ADGRB3: variants seen among roughly 807,000 people sequenced by gnomAD.
ADGRB3 encodes the protein adhesion G protein-coupled receptor B3, also known as brain-specific angiogenesis inhibitor 3.
A neutral mutation model predicts 193.4 loss-of-function variants in ADGRB3; 37 were observed. The ratio of observed to expected loss-of-function variants is 0.19; its 90% CI spans 0.15 to 0.25. ADGRB3 has a LOEUF of 0.25. Ranked by LOEUF, ADGRB3 falls within the 10% of genes least tolerant of loss-of-function variation. The probability of loss-of-function intolerance (pLI) is 1.00; values close to 1 mark genes in which losing one functional copy is unlikely to be tolerated. For synonymous variants in ADGRB3, 690 were observed against 644.2 expected, an observed-to-expected ratio of 1.07 and a Z score of -1.08; for missense variants, 1,637 against 1,852.9, an observed-to-expected ratio of 0.88 and a Z score of 2.14.
At chr6:68,735,890 G>A (rs1765861538) in intron 3 of ADGRB3, among the ~76,000 whole-genome samples, 1 of 152,106 alleles carries the variant, frequency 6.6e-6, no homozygotes, top group African/African-American at 2.4e-5. Context: ...TCTTTATAGA[G>A]CAGCAATCAC....
chr6:68,717,258 A>C (rs1765504096), intron 3 of ADGRB3, among the ~76,000 whole-genome samples: 1 of 151,714 alleles, frequency 6.6e-6, no homozygotes, highest in South Asian at 2.1e-4. Flanking sequence ...TCTTATAGCA[A>C]TATATCTATA....
At chr6:69,062,490 T>G (rs1771778800) in intron 15 of ADGRB3, among the ~76,000 whole-genome samples, 1 of 151,928 alleles carries the variant, frequency 6.6e-6, no homozygotes, top group Admixed American at 6.6e-5. Flanking sequence ...TTGCAATTAT[T>G]TATTGTAATG....
chr6:68,897,625 AG>A (rs1192003848), intron 3 of ADGRB3, among the ~76,000 whole-genome samples: 5 of 130,574 alleles, frequency 3.8e-5, no homozygotes, highest in Non-Finnish European at 8.2e-5. Flanking sequence ...GAAGGGAGGG[AG>A]GGAGGAAAGA....
Position 69,308,402 on chromosome 6 carries a change from G to A in ADGRB3, c.2815-16470G>A, listed in dbSNP as rs565776078. On this transcript the variant is annotated intron_variant, in intron 20 of 31. Coordinates refer to ENST00000370598, the MANE Select transcript of ADGRB3 (RefSeq NM_001704.3). ...AGGGAGATATGGAGGAATTGAGGAA[G>A]ATATGGTTCAGAGTTCATTAAATGA... 4.7e-5 allele frequency among the ~76,000 whole-genome samples: 7 copies of A among 149,722 alleles called. 1 individual carries two copies. The South Asian group carries it at 1.5e-3, about 31-fold the overall frequency.
intron 17 of ADGRB3, among the ~76,000 whole-genome samples, chr6:69,180,946 T>C (rs1775563742): frequency 6.6e-6 from 1 of 152,290 alleles, no homozygotes; most frequent in African/African-American, 2.4e-5. Flanking sequence ...TTTCCTGGTG[T>C]CTTTCCCTCA....
Position 68,941,674 on chromosome 6 carries a change from TAGG to T in ADGRB3, c.1031-2150_1031-2148del, listed in dbSNP as rs1479743931. On this transcript the variant is annotated intron_variant, in intron 5 of 31. Transcript: ENST00000370598. ...ATAGGAGGAGAAAAGGTTTTTAAAA[TAGG>T]AGGAGAAAAGGTTTTTAAAATTGGA... is the stretch of plus-strand genomic sequence containing the variant. Among the ~76,000 whole-genome samples, 19 of 151,972 alleles carry T rather than the reference TAGG, an allele frequency of 1.3e-4. 1 individual carries two copies. The South Asian group carries it at 3.3e-3, about 27-fold the overall frequency.
chr6:68,731,255 G>A (rs989922622), intron 3 of ADGRB3, among the ~76,000 whole-genome samples: 6 of 151,204 alleles, frequency 4.0e-5, no homozygotes, highest in African/African-American at 1.5e-4. Flanking sequence ...CTTAATCCTC[G>A]TGTTACGGAT....
Position 68,936,583 on chromosome 6 carries a change from G to A in ADGRB3, c.933G>A (p.Ser311=), listed in dbSNP as rs149792384. The A allele has an allele frequency of 8.1e-6, 13 of 1,614,004 alleles. No individual in the cohort carries two copies. In the African/African-American group the frequency reaches 1.3e-4, roughly 17 times the overall value. ...STCSVTCGQG[S]QVRTRTCVSP... ...GTTCGGTTACTTGTGGTCAAGGGTC[G>A]CAGGTGCGAACCAGAACTTGTGTAT... Residue 311 remains serine, a synonymous_variant, in exon 5 of 32, where the codon TCG becomes TCA. Transcript: ENST00000370598.
At chr6:69,069,984 A>G (rs1772030444) in intron 16 of ADGRB3, among the ~76,000 whole-genome samples, 1 of 152,148 alleles carries the variant, frequency 6.6e-6, no homozygotes, top group Admixed American at 6.6e-5. Context: ...GAGACAATAC[A>G]GTGTCAGTTG....
chr6:69,295,171 C>T (rs2181002), intron 20 of ADGRB3, among the ~76,000 whole-genome samples: 20,722 of 152,100 alleles, frequency 0.14, 1,682 homozygotes, highest in Admixed American at 0.2. Flanking sequence ...TCAGTAGATT[C>T]GGTGATCTTT....
intron 3 of ADGRB3, among the ~76,000 whole-genome samples, chr6:68,829,391 C>T (rs1018673116): frequency 4.6e-5 from 7 of 151,874 alleles, no homozygotes; most frequent in Non-Finnish European, 7.4e-5. Context: ...CATGAGCCAC[C>T]GCACCCAGGC....
At chr6:69,279,452 C>CTGTGTG (rs56686568) in intron 20 of ADGRB3, among the ~76,000 whole-genome samples, 25 of 148,028 alleles carry the variant, frequency 1.7e-4, no homozygotes, top group East Asian at 9.9e-4. Flanking sequence ...GTCAAGAATG[C>CTGTGTG]TGTGTGTGTG....
At chr6:68,885,997 T>C (rs2150226855) in intron 3 of ADGRB3, among the ~76,000 whole-genome samples, 1 of 152,212 alleles carries the variant, frequency 6.6e-6, no homozygotes, top group African/African-American at 2.4e-5. Context: ...AAAGACAAGA[T>C]TGGGTAATTA....
chr6:69,341,039 A>C (rs1248104975), intron 26 of ADGRB3, among the ~76,000 whole-genome samples: 2 of 152,206 alleles, frequency 1.3e-5, no homozygotes, highest in East Asian at 3.8e-4. Context: ...GATTGGTTCC[A>C]AGTTTTTGCT....
intron 3 of ADGRB3, among the ~76,000 whole-genome samples, chr6:68,738,871 C>T (rs1268519675): frequency 2.6e-5 from 4 of 152,042 alleles, no homozygotes; most frequent in African/African-American, 9.7e-5. Context: ...ATTGTATAAT[C>T]TTACCAAGAA....
rs1362612357 is a variant in ADGRB3 at position 68,772,890 on chromosome 6, AAAAAATATATATATATATATAT to A, written c.757+133460_757+133481del. On this transcript the variant is annotated intron_variant, in intron 3 of 31. Transcript: ENST00000370598. ...ACAAACAAACAAACAAACAAAAAAA[AAAAAATATATATATATATATAT>A]ATATATATATATATATATATACATA... Among the ~76,000 whole-genome samples, 85 of 46,084 alleles carry A rather than the reference AAAAAATATATATATATATATAT, an allele frequency of 1.8e-3. 2 individuals carry two copies. The highest frequency in any genetic ancestry group is 7.9e-3 in the African/African-American group (68 of 8,634). The allele number at this position is 46,084 out of a possible 152,430, so 30.2% of individuals were successfully genotyped here. A position where few individuals can be genotyped will look rare whatever the true frequency, so the allele number is the denominator to read the frequency against.
At chr6:69,329,656 A>C (rs887807438) in intron 22 of ADGRB3, among the ~76,000 whole-genome samples, 1 of 152,198 alleles carries the variant, frequency 6.6e-6, no homozygotes, top group African/African-American at 2.4e-5. Flanking sequence ...GAAATAGTTA[A>C]AGGGTCAAAT....
At chr6:69,016,099 A>C (rs1770081886) in intron 12 of ADGRB3, among the ~76,000 whole-genome samples, 1 of 152,082 alleles carries the variant, frequency 6.6e-6, no homozygotes, top group South Asian at 2.1e-4. Flanking sequence ...CCTATAATCT[A>C]TATACGGTCG....
intron 17 of ADGRB3, chr6:69,232,462 T>C: frequency 4.6e-6 from 7 of 1,527,232 alleles, no homozygotes; most frequent in Non-Finnish European, 6.1e-6. Context: ...CAGGCTCTCT[T>C]CCCTACTCCT....
Sources: gnomAD v4.1 joint callset for allele counts (sites outside exome capture counted in the v4.1 genomes callset) on GRCh38, gnomAD v4.1.1 for gene constraint, MANE v1.5 for transcripts, NCBI Gene and HGNC (gene_info 2026-07-23, HGNC 2026-07-21) for gene names.